The following CHCHD6 variants were observed in gnomAD, a reference collection of about 807,000 sequenced individuals.
The protein encoded by CHCHD6 is coiled-coil-helix-coiled-coil-helix domain containing 6.
In CHCHD6, 28 loss-of-function variants were observed where a neutral mutation model predicts 32.3. That is an observed-to-expected ratio of 0.87 (90% CI 0.64 to 1.19). The LOEUF (loss-of-function observed/expected upper bound fraction) is 1.19, where lower values mean the gene tolerates loss of function less well. Among genes scored for constraint, CHCHD6 ranks in the 50% most tolerant of loss-of-function variants. The pLI, the probability that CHCHD6 is intolerant of heterozygous loss-of-function variation, is 0.00. For synonymous variants in CHCHD6, 122 were observed against 117.5 expected (o/e 1.04, Z -0.25); for missense variants, 333 against 307.0 (o/e 1.08, Z -0.63).
At chr3:126,881,035 A>T (rs929535906) in intron 5 of CHCHD6, among the ~76,000 whole-genome samples, 2 of 152,222 alleles carry the variant, frequency 1.3e-5, no homozygotes, top group Non-Finnish European at 2.9e-5. Context: ...CAGATTCTAA[A>T]TGGGCAGAGC....
chr3:126,848,329 T>C (rs1033320492), intron 4 of CHCHD6, among the ~76,000 whole-genome samples: 4 of 152,216 alleles, frequency 2.6e-5, no homozygotes, highest in Non-Finnish European at 4.4e-5. Flanking sequence ...GTTTGTCTTA[T>C]CCATTTCATT....
At chr3:126,730,868 A>C (rs1576347601) in intron 3 of CHCHD6, among the ~76,000 whole-genome samples, 1 of 152,136 alleles carries the variant, frequency 6.6e-6, no homozygotes, top group African/African-American at 2.4e-5. Flanking sequence ...CAGCAGTTTG[A>C]GAGGCCAAGG....
intron 4 of CHCHD6, among the ~76,000 whole-genome samples, chr3:126,744,190 C>A (rs1190570818): frequency 2.0e-5 from 3 of 152,200 alleles, no homozygotes; most frequent in Non-Finnish European, 4.4e-5. Flanking sequence ...CTCTAGGATG[C>A]CAGTAGGGCT....
intron 6 of CHCHD6, among the ~76,000 whole-genome samples, chr3:126,943,208 C>T (rs922163982): frequency 2.6e-5 from 4 of 152,212 alleles, no homozygotes; most frequent in African/African-American, 9.7e-5. Flanking sequence ...ATGACGCCCC[C>T]CACTACCACC....
At chr3:126,715,384 G>A (rs1188472191) in intron 1 of CHCHD6, among the ~76,000 whole-genome samples, 1 of 152,154 alleles carries the variant, frequency 6.6e-6, no homozygotes, top group South Asian at 2.1e-4. Flanking sequence ...CTCTAGGAAC[G>A]GCAAGTCAGG....
intron 2 of CHCHD6, 87 bp downstream of exon 2, chr3:126,727,273 A>G: frequency 1.1e-6 from 1 of 899,200 alleles, no homozygotes; most frequent in Admixed American, 2.1e-5. Flanking sequence ...GATGGCGCAC[A>G]GGGCTCAGGT....
In CHCHD6 at chr3:126,727,089, C is replaced by A. The variant is rs147789687; in HGVS notation, c.99C>A (p.Asn33Lys). The A allele has an allele frequency of 5.0e-6, 8 of 1,613,134 alleles. No individual in the cohort carries two copies. In the African/African-American group the frequency reaches 8.0e-5, roughly 16 times the overall value. ...RVLQGVRLSENVVNRMKEPSS... is the reference protein window; with the variant it reads ...RVLQGVRLSEKVVNRMKEPSS... ...TTCTGCTTCCTTAGCTGTCTGAAAACGTGGTGAACCGCATGAAGGAGCCCA... is the reference window on the plus strand; with the variant it reads ...TTCTGCTTCCTTAGCTGTCTGAAAAAGTGGTGAACCGCATGAAGGAGCCCA... Residue 33 changes from asparagine (N) to lysine (K), a missense_variant, in exon 2 of 8, where the codon AAC becomes AAA. Asn to Lys is a moderately conservative substitution (Grantham distance 94). Transcript: ENST00000290913.
At chr3:126,767,303 A>T in intron 4 of CHCHD6, 1 of 1,105,910 alleles carries the variant, frequency 9.0e-7, no homozygotes, top group Middle Eastern at 2.8e-4. Context: ...GTTCTCCCCA[A>T]ACGCAAACAC....
At chr3:126,731,098 TAAAAAAAAAAAAAAAAAAA>T (rs34596059) in intron 3 of CHCHD6, among the ~76,000 whole-genome samples, 1 of 73,982 alleles carries the variant, frequency 1.4e-5, no homozygotes. Context: ...ACCCTGTCTC[TAAAAAAAAAAAAAAAAAAA>T]AAAAAAAAAT....
intron 4 of CHCHD6, among the ~76,000 whole-genome samples, chr3:126,785,280 G>C (rs553902077): frequency 6.6e-6 from 1 of 152,288 alleles, no homozygotes; most frequent in East Asian, 1.9e-4. Flanking sequence ...ACAATCTCCA[G>C]ATGTTTCCAT....
chr3:126,763,289 T>TC (rs1220944460), intron 4 of CHCHD6, among the ~76,000 whole-genome samples: 2 of 132,072 alleles, frequency 1.5e-5, no homozygotes, highest in Non-Finnish European at 3.1e-5. Context: ...TTCCCTCTTC[T>TC]CCCTTTTTCC....
chr3:126,899,159 C>A (rs192881867), intron 5 of CHCHD6, among the ~76,000 whole-genome samples: 1 of 152,362 alleles, frequency 6.6e-6, no homozygotes, highest in African/African-American at 2.4e-5. Flanking sequence ...TGTGATAACA[C>A]TGTTCTGGGT....
intron 4 of CHCHD6, among the ~76,000 whole-genome samples, chr3:126,800,200 C>T (rs532516868): frequency 7.9e-5 from 12 of 152,168 alleles, no homozygotes; most frequent in East Asian, 5.8e-4. Flanking sequence ...TAAAACTCAA[C>T]GATTGTAAGG....
At chr3:126,922,625 G>A (rs1435837181) in intron 6 of CHCHD6, among the ~76,000 whole-genome samples, 3 of 5,888 alleles carry the variant, frequency 5.1e-4, no homozygotes, top group East Asian at 0.026. Context: ...CCCACCACGT[G>A]TGTGTGTGTG....
At chr3:126,824,301 C>T (rs1013859614) in intron 4 of CHCHD6, among the ~76,000 whole-genome samples, 3 of 151,600 alleles carry the variant, frequency 2.0e-5, no homozygotes. Context: ...GTGGCTCAGG[C>T]CTGTAATCCC....
intron 4 of CHCHD6, among the ~76,000 whole-genome samples, chr3:126,752,387 G>A (rs1187119602): frequency 6.6e-6 from 1 of 152,184 alleles, no homozygotes; most frequent in Non-Finnish European, 1.5e-5. Context: ...TTCCTGTGGT[G>A]TGTGAGCGGA....
intron 5 of CHCHD6, among the ~76,000 whole-genome samples, chr3:126,858,132 C>T (rs1941725715): frequency 6.6e-6 from 1 of 152,160 alleles, no homozygotes. Flanking sequence ...GTTGGAACTC[C>T]AGACACACTG....
chr3:126,826,472 G>A lies in CHCHD6; in HGVS notation c.412-26175G>A, dbSNP rs559159000. ...GAAGGGGTATTTTCATATTCTGAAG[G>A]CTAGCTATTGGTAAGTTCCCTTTCC... is the stretch of plus-strand genomic sequence containing the variant. On this transcript the variant is annotated intron_variant, in intron 4 of 7. Transcript: ENST00000290913. 1.0e-3 allele frequency among the ~76,000 whole-genome samples: 159 copies of A among 152,238 alleles called. 1 individual carries two copies. The highest frequency in any genetic ancestry group is 3.8e-3 in the African/African-American group (159 of 41,542).
chr3:126,748,037 C>T (rs1936573983), intron 4 of CHCHD6, among the ~76,000 whole-genome samples: 2 of 152,098 alleles, frequency 1.3e-5, no homozygotes, highest in South Asian at 4.1e-4. Flanking sequence ...GCCCTCTCCT[C>T]CTTGCTTCCT....
Sources: gnomAD v4.1 joint callset for allele counts (sites outside exome capture counted in the v4.1 genomes callset) on GRCh38, gnomAD v4.1.1 for gene constraint, MANE v1.5 for transcripts, NCBI Gene and HGNC (gene_info 2026-07-23, HGNC 2026-07-21) for gene names.